The following USP40 variants were observed in gnomAD, a reference collection of about 807,000 sequenced individuals.
USP40 encodes the protein ubiquitin carboxyl-terminal hydrolase 40.
USP40 carries 143 observed loss-of-function variants against 166.2 expected under a neutral mutation model. That is an observed-to-expected ratio of 0.86 (90% confidence interval 0.75 to 0.99). The LOEUF (loss-of-function observed/expected upper bound fraction) is 0.99, where lower values mean the gene tolerates loss of function less well. Ranked by LOEUF, USP40 falls within the 50% of genes least tolerant of loss-of-function variation. USP40 has a pLI of 0.00. For missense variants in USP40, 1,444 were observed against 1,479.7 expected (o/e 0.98, Z 0.40); for synonymous variants, 498 against 524.0 (o/e 0.95, Z 0.68).
intron 3 of USP40, chr2:233,561,018 T>C (rs6753062): frequency 0.78 from 805,347 of 1,027,502 alleles, 317,782 homozygotes; most frequent in East Asian, 0.9. Flanking sequence ...CCATAGGGTA[T>C]AGGCCAAGTC....
chr2:233,526,686 T>A (rs2068057582), intron 13 of USP40, among the ~76,000 whole-genome samples: 1 of 151,998 alleles, frequency 6.6e-6, no homozygotes, highest in Non-Finnish European at 1.5e-5. Context: ...GGAGGGTGAT[T>A]AGGAGAAAAA....
intron 18 of USP40, among the ~76,000 whole-genome samples, chr2:233,516,640 A>G (rs1048039910): frequency 2.6e-4 from 39 of 151,566 alleles, no homozygotes; most frequent in African/African-American, 9.2e-4. Context: ...GTGGGCCAAG[A>G]TCGCACCACT....
chr2:233,486,107 G>T lies in USP40; in HGVS notation c.3198-130C>A. The T allele has an allele frequency of 1.0e-6, 1 of 1,003,386 alleles. No individual in the cohort carries two copies. The highest frequency in any genetic ancestry group is 1.4e-6 in the Non-Finnish European group (1 of 696,992). 62.2% of individuals were successfully genotyped at this position (1,003,386 alleles called of 1,614,324 possible). On this transcript the variant is annotated intron_variant, in intron 28 of 31. Transcript: ENST00000678225. This position sits in a 1 kb window ranked among gnomAD's most constrained non-coding sequence, Gnocchi z 4.0. ...TATAAGGAGAGATTTTTCCCTAAAT[G>T]CTGGATGCTAGTGGCAAACTCTTAT...
chr2:233,492,987 A>G (rs1202390522), intron 25 of USP40: 3 of 189,210 alleles, frequency 1.6e-5, no homozygotes, highest in African/African-American at 7.0e-5. Flanking sequence ...ATGCCCTAGA[A>G]GCAGTTCCTG....
chr2:233,517,722 T>C (rs191870042), intron 18 of USP40, among the ~76,000 whole-genome samples: 6 of 151,682 alleles, frequency 4.0e-5, no homozygotes, highest in African/African-American at 1.2e-4. Flanking sequence ...AGTTTGCAAT[T>C]GCAAAATCAT....
chr2:233,540,200 G>T (rs1227721307), intron 10 of USP40, among the ~76,000 whole-genome samples: 2 of 149,330 alleles, frequency 1.3e-5, no homozygotes, highest in South Asian at 4.2e-4. Context: ...AAAAAGGTGA[G>T]AAAATAAAAA....
At chr2:233,564,773 A>G (rs2071985973) in intron 2 of USP40, among the ~76,000 whole-genome samples, 1 of 152,228 alleles carries the variant, frequency 6.6e-6, no homozygotes, top group South Asian at 2.1e-4. Flanking sequence ...AAGCAGATTA[A>G]TATTCCTGTA....
intron 27 of USP40, among the ~76,000 whole-genome samples, chr2:233,488,822 C>T (rs1488082323): frequency 6.6e-6 from 1 of 152,080 alleles, no homozygotes; most frequent in African/African-American, 2.4e-5. Context: ...GGGAGGATCA[C>T]TTGAGCCCAG....
rs372439391 is a variant in USP40, at chr2:233,519,604, A to G, written c.2383+10T>C. The G allele has an allele frequency of 1.9e-4, 278 of 1,430,760 alleles. No homozygotes were observed. Among genetic ancestry groups the G allele is most frequent in the Admixed American group, 2.6e-4 (13 of 49,268 alleles). 88.6% of individuals were successfully genotyped at this position (1,430,760 alleles called of 1,614,324 possible). A position where few individuals can be genotyped will look rare whatever the true frequency, so the allele number is the denominator to read the frequency against. On this transcript the variant is annotated intron_variant, in intron 18 of 31. Transcript: ENST00000678225. ...AAACTAAGAACCGAAAAGAAAATGT[A>G]AATGATTACCTAGTTCCTTCATTAA... is the stretch of plus-strand genomic sequence containing the variant.
rs1411914787 is a variant in USP40, at chr2:233,475,698, G to A, written c.*1694C>T. On this transcript the variant is annotated 3_prime_UTR_variant, in exon 32 of 32. Coordinates refer to ENST00000678225, the MANE Select transcript of USP40 (RefSeq NM_001365479.2). The stretch of plus-strand genomic sequence containing the variant: ...CGGCACTTCAGGGCACAACCCACAC[G>A]CGTCTTTGGACTTGCAGACATTCCG... 6.6e-6 allele frequency: 1 copy of A among 152,364 alleles called. No individual in the cohort carries two copies. Among genetic ancestry groups the A allele is most frequent in the Non-Finnish European group, 1.5e-5 (1 of 68,064 alleles). 9.4% of individuals were successfully genotyped at this position (152,364 alleles called of 1,614,324 possible).
intron 6 of USP40, among the ~76,000 whole-genome samples, chr2:233,553,484 C>G (rs2070768118): frequency 6.6e-6 from 1 of 152,164 alleles, no homozygotes; most frequent in Non-Finnish European, 1.5e-5. Flanking sequence ...CACATCAGTA[C>G]TGGGATAAAA....
Position 233,493,572 on chromosome 2 carries a change from A to G in USP40, c.2791-21T>C, listed in dbSNP as rs2065485736. On this transcript the variant is annotated intron_variant, in intron 24 of 31. Transcript: ENST00000678225. This position sits in a 1 kb window ranked among gnomAD's most constrained non-coding sequence, Gnocchi z 4.7. ...AAACCCTGAAGAATGGAGCATGTTTAACTGCTGTGATTACAAAGATTAAGT... is the reference window on the plus strand; with the variant it reads ...AAACCCTGAAGAATGGAGCATGTTTGACTGCTGTGATTACAAAGATTAAGT... The G allele has an allele frequency of 4.4e-6, 7 of 1,595,196 alleles. No homozygotes were observed. Among genetic ancestry groups the G allele is most frequent in the Non-Finnish European group, 6.0e-6 (7 of 1,169,738 alleles).
At chr2:233,494,768 T>A (rs12468913) in intron 24 of USP40, among the ~76,000 whole-genome samples, 1,453 of 141,120 alleles carry the variant, frequency 0.01, 95 homozygotes, top group Admixed American at 0.084. Flanking sequence ...GAGCTTGCAG[T>A]GAGCTATGAT....
chr2:233,482,295 T>G (rs895008137), intron 30 of USP40, among the ~76,000 whole-genome samples: 5 of 149,676 alleles, frequency 3.3e-5, no homozygotes, highest in Non-Finnish European at 7.4e-5. Flanking sequence ...ACTCGGGAGG[T>G]GGAGGTTCCA....
intron 8 of USP40, among the ~76,000 whole-genome samples, chr2:233,544,082 C>T (rs570590994): frequency 1.2e-4 from 18 of 152,296 alleles, no homozygotes; most frequent in Admixed American, 7.2e-4. Context: ...CAACTACATA[C>T]GGAGTCCCTA....
intron 25 of USP40, 68 bp from the exon 26 acceptor site, chr2:233,491,329 G>T: frequency 8.8e-7 from 1 of 1,132,360 alleles, no homozygotes; most frequent in Non-Finnish European, 1.3e-6. Flanking sequence ...GAAATACATT[G>T]CCATGTTTTG....
At position 233,524,481 on chromosome 2, in the gene USP40, A is replaced by AT. The variant is rs756877809; in HGVS notation, c.1881+10dup. 2.5e-5 allele frequency: 40 copies of AT among 1,591,258 alleles called. No individual in the cohort carries two copies. Among genetic ancestry groups the AT allele is most frequent in the East Asian group, 6.8e-5 (3 of 43,810 alleles). ...AATTATCACGAATATTTCTTCAGTA[A>AT]TTTTTTTTACCTCCACCCCATTCCA... On this transcript the variant is annotated intron_variant, in intron 15 of 31. Transcript: ENST00000678225.
At chr2:233,494,072 G>A (rs1197097524) in intron 24 of USP40, among the ~76,000 whole-genome samples, 1 of 152,144 alleles carries the variant, frequency 6.6e-6, no homozygotes, top group Non-Finnish European at 1.5e-5. Context: ...GGTTTATTAA[G>A]AGATAAAAGG....
chr2:233,527,810 C>T (rs1575294624), intron 12 of USP40, among the ~76,000 whole-genome samples: 1 of 152,114 alleles, frequency 6.6e-6, no homozygotes, highest in East Asian at 1.9e-4. Flanking sequence ...GCAATGTTAA[C>T]TCCATTTCTC....
Sources: allele counts gnomAD v4.1 joint callset (sites outside exome capture counted in the v4.1 genomes callset), GRCh38; gene constraint gnomAD v4.1.1; non-coding constraint Gnocchi (gnomAD v3.1); transcripts MANE v1.5; gene names NCBI Gene and HGNC (gene_info 2026-07-23, HGNC 2026-07-21).